Variants in TMEM163 observed in about 807,000 individuals in gnomAD.
The protein encoded by TMEM163 is transmembrane protein 163.
Under a neutral mutation model 29.3 loss-of-function variants are expected in TMEM163, and 17 were observed. The ratio of observed to expected loss-of-function variants is 0.58; its 90% CI spans 0.40 to 0.87. The LOEUF (loss-of-function observed/expected upper bound fraction) is 0.87. Ranked by LOEUF, TMEM163 falls within the 40% of genes least tolerant of loss-of-function variation. TMEM163 has a pLI of 0.00. For synonymous variants in TMEM163, 157 were observed against 160.6 expected, an observed-to-expected ratio of 0.98 and a Z score of 0.17; for missense variants, 303 against 381.5, an observed-to-expected ratio of 0.79 and a Z score of 1.71.
intron 2 of TMEM163, among the ~76,000 whole-genome samples, chr2:134,705,290 TAAA>T (rs1684785653): frequency 6.6e-6 from 1 of 151,898 alleles, no homozygotes; most frequent in Admixed American, 6.6e-5. Flanking sequence ...ATGGGGTCTT[TAAA>T]GAGGTAATTA....
intron 4 of TMEM163, among the ~76,000 whole-genome samples, chr2:134,518,803 GC>G: frequency 1.3e-5 from 2 of 152,140 alleles, no homozygotes; most frequent in Non-Finnish European, 2.9e-5. Context: ...CCTAGATCAT[GC>G]CTGGAATCAC....
intron 2 of TMEM163, among the ~76,000 whole-genome samples, chr2:134,600,168 A>G (rs1682194444): frequency 6.6e-6 from 1 of 152,230 alleles, no homozygotes; most frequent in Non-Finnish European, 1.5e-5. Flanking sequence ...AATAACATAC[A>G]ACTGTGACAC....
At chr2:134,570,438 C>A (rs2104784419) in intron 2 of TMEM163, among the ~76,000 whole-genome samples, 1 of 150,216 alleles carries the variant, frequency 6.7e-6, no homozygotes, top group South Asian at 2.1e-4. Context: ...GGAACATAGC[C>A]CCCACAGATA....
intron 4 of TMEM163, among the ~76,000 whole-genome samples, chr2:134,506,078 G>A (rs945353058): frequency 1.3e-5 from 2 of 152,138 alleles, no homozygotes; most frequent in African/African-American, 2.4e-5. Context: ...TAGCCCACAC[G>A]GTAAGGCAGC....
chr2:134,712,334 G>C (rs1684943566), intron 2 of TMEM163, among the ~76,000 whole-genome samples: 1 of 152,180 alleles, frequency 6.6e-6, no homozygotes. Flanking sequence ...TCTTCTAGCA[G>C]ACATGTGCTT....
intron 2 of TMEM163, among the ~76,000 whole-genome samples, chr2:134,572,845 T>C (rs561481686): frequency 5.3e-5 from 8 of 152,302 alleles, no homozygotes; most frequent in Admixed American, 1.3e-4. Context: ...ATTCCTGAAA[T>C]TAGAGAATAA....
chr2:134,621,616 C>G (rs1397498993), intron 2 of TMEM163, among the ~76,000 whole-genome samples: 1 of 152,046 alleles, frequency 6.6e-6, no homozygotes, highest in African/African-American at 2.4e-5. Flanking sequence ...GTGGGCCGGG[C>G]GTGGTGGCTC....
chr2:134,578,874 C>G (rs1388015963), intron 2 of TMEM163, among the ~76,000 whole-genome samples: 1 of 152,150 alleles, frequency 6.6e-6, no homozygotes, highest in Non-Finnish European at 1.5e-5. Context: ...AGAGACTGCT[C>G]TATTCACCAA....
At chr2:134,482,294 C>T (rs958318171) in intron 5 of TMEM163, among the ~76,000 whole-genome samples, 1 of 152,174 alleles carries the variant, frequency 6.6e-6, no homozygotes, top group Non-Finnish European at 1.5e-5. Context: ...TATTCCTCAT[C>T]AAGGGTGACA....
chr2:134,507,991 A>C (rs548859), intron 4 of TMEM163, among the ~76,000 whole-genome samples: 60,273 of 152,004 alleles, frequency 0.4, 12,186 homozygotes, highest in South Asian at 0.62. Flanking sequence ...CTGCTAAAGG[A>C]TCCAAATTGC....
chr2:134,542,227 G>A (rs1455437877), intron 4 of TMEM163, among the ~76,000 whole-genome samples: 3 of 152,244 alleles, frequency 2.0e-5, no homozygotes, highest in African/African-American at 7.2e-5. Flanking sequence ...TAGAAAGTAA[G>A]TTATTCAATG....
At chr2:134,615,785 T>C (rs1682597709) in intron 2 of TMEM163, among the ~76,000 whole-genome samples, 2 of 151,134 alleles carry the variant, frequency 1.3e-5, no homozygotes, top group East Asian at 3.9e-4. Context: ...GCCACCTGAG[T>C]AGCTGGGATT....
At chr2:134,469,435 C>T (rs1407650358) in intron 5 of TMEM163, 2 of 152,194 alleles carry the variant, frequency 1.3e-5, no homozygotes, top group Admixed American at 1.3e-4. Flanking sequence ...ACTGTCCTAC[C>T]TATAAAGTGG....
intron 2 of TMEM163, among the ~76,000 whole-genome samples, chr2:134,693,898 A>G (rs1157681158): frequency 1.3e-5 from 2 of 152,150 alleles, no homozygotes; most frequent in African/African-American, 4.8e-5. Context: ...AGAGGTGACA[A>G]AACAACACAA....
At chr2:134,565,788 C>T (rs1681288793) in intron 2 of TMEM163, among the ~76,000 whole-genome samples, 1 of 152,222 alleles carries the variant, frequency 6.6e-6, no homozygotes, top group Non-Finnish European at 1.5e-5. Context: ...ACATGAATTA[C>T]AGCTAATCAC....
intron 2 of TMEM163, among the ~76,000 whole-genome samples, chr2:134,556,566 T>C (rs538411951): frequency 4.3e-4 from 65 of 152,268 alleles, no homozygotes; most frequent in African/African-American, 1.3e-3. Flanking sequence ...ACACCTATAA[T>C]CCCAGCACTT....
chr2:134,620,607 G>A (rs534256720), intron 2 of TMEM163, among the ~76,000 whole-genome samples: 12 of 152,196 alleles, frequency 7.9e-5, no homozygotes, highest in East Asian at 1.9e-4. Context: ...AAAGTGGCAC[G>A]GTTGTAAAGA....
intron 2 of TMEM163, among the ~76,000 whole-genome samples, chr2:134,655,492 A>T (rs1192130094): frequency 7.5e-6 from 1 of 132,692 alleles, no homozygotes; most frequent in Non-Finnish European, 1.6e-5. Context: ...CTTTGGTTTG[A>T]ATGTCCTCCC....
At chr2:134,717,236 A>C (rs982914838) in intron 1 of TMEM163, among the ~76,000 whole-genome samples, 1 of 152,174 alleles carries the variant, frequency 6.6e-6, no homozygotes, top group Non-Finnish European at 1.5e-5. Flanking sequence ...GTCTTTCTTC[A>C]ATATGGAATT....
Sources: allele counts gnomAD v4.1 joint callset (sites outside exome capture counted in the v4.1 genomes callset), GRCh38; gene constraint gnomAD v4.1.1; transcripts MANE v1.5; gene names NCBI Gene and HGNC (gene_info 2026-07-23, HGNC 2026-07-21).